SEC23A: variants seen among roughly 807,000 people sequenced by gnomAD.
The protein encoded by SEC23A is protein transport protein Sec23A.
Under a neutral mutation model 103.7 loss-of-function variants are expected in SEC23A, and 56 were observed. That is an observed-to-expected ratio of 0.54 (90% CI 0.44 to 0.67). SEC23A has a LOEUF of 0.67. SEC23A is among the 30% of genes least tolerant of loss of function. The pLI, the probability that SEC23A is intolerant of heterozygous loss-of-function variation, is 0.00. For missense variants in SEC23A, 784 were observed against 936.4 expected (o/e 0.84, Z 2.12); for synonymous variants, 281 against 293.0 (o/e 0.96, Z 0.42).
intron 13 of SEC23A, among the ~76,000 whole-genome samples, chr14:39,059,772 T>C (rs1886407038): frequency 3.3e-5 from 5 of 152,170 alleles, no homozygotes; most frequent in Admixed American, 3.3e-4. Context: ...TAGCTCCAAT[T>C]ATTAAACTCA....
At chr14:39,091,421 T>C in intron 5 of SEC23A, 56 bp downstream of exon 5, 2 of 1,294,746 alleles carry the variant, frequency 1.5e-6, no homozygotes, top group Non-Finnish European at 2.2e-6. Context: ...AAGGCATTTA[T>C]AAACATATAT....
chr14:39,034,548 A>C (rs979357658), intron 19 of SEC23A, among the ~76,000 whole-genome samples: 1 of 152,188 alleles, frequency 6.6e-6, no homozygotes, highest in Non-Finnish European at 1.5e-5. Context: ...CATGGCTCTT[A>C]CTTTTTTCTT....
chr14:39,047,107 T>C (rs1885865105), intron 15 of SEC23A, among the ~76,000 whole-genome samples: 1 of 152,230 alleles, frequency 6.6e-6, no homozygotes, highest in Non-Finnish European at 1.5e-5. Flanking sequence ...ATTTGGTCTA[T>C]GCTACCTTTT....
chr14:39,096,194 A>T, intron 1 of SEC23A, 55 bp from the exon 2 acceptor site: 2 of 1,168,484 alleles, frequency 1.7e-6, no homozygotes, highest in Non-Finnish European at 2.5e-6. Flanking sequence ...AGAACGTTCA[A>T]AATATGAATG....
chr14:39,067,151 C>T (rs45446002), intron 10 of SEC23A, 22 bp downstream of exon 10: 1 of 1,613,380 alleles, frequency 6.2e-7, no homozygotes, highest in Non-Finnish European at 8.5e-7. Context: ...ACATATCGCA[C>T]ATGTCAAGTT....
intron 1 of SEC23A, among the ~76,000 whole-genome samples, chr14:39,099,394 G>A (rs774207683): frequency 4.6e-5 from 7 of 151,902 alleles, no homozygotes; most frequent in African/African-American, 1.5e-4. Context: ...GTCTGACCTC[G>A]TGATCCGCCG....
chr14:39,069,699 G>A (rs1886780951), intron 9 of SEC23A, among the ~76,000 whole-genome samples: 1 of 151,826 alleles, frequency 6.6e-6, no homozygotes, highest in Admixed American at 6.6e-5. Context: ...AGCTCAAGCA[G>A]TCCACCCACC....
At chr14:39,065,782 C>T (rs1257400746) in intron 10 of SEC23A, among the ~76,000 whole-genome samples, 3 of 151,902 alleles carry the variant, frequency 2.0e-5, no homozygotes, top group South Asian at 2.1e-4. Flanking sequence ...GTGGATCACC[C>T]AAGGTCGGGA....
chr14:39,093,854 C>G (rs1445224243), intron 2 of SEC23A, among the ~76,000 whole-genome samples: 5 of 152,074 alleles, frequency 3.3e-5, no homozygotes, highest in African/African-American at 1.2e-4. Flanking sequence ...CATCTACACT[C>G]AGACCTAGAA....
At chr14:39,084,218 G>A (rs921571900) in intron 7 of SEC23A, among the ~76,000 whole-genome samples, 10 of 151,552 alleles carry the variant, frequency 6.6e-5, no homozygotes, top group African/African-American at 1.7e-4. Flanking sequence ...AGTAGAGACA[G>A]GGTTTCACCA....
intron 12 of SEC23A, 106 bp downstream of exon 12, chr14:39,063,218 G>C (rs566834508): frequency 1.1e-5 from 8 of 699,986 alleles, no homozygotes; most frequent in Non-Finnish European, 2.0e-5. Context: ...TAAATGTTGG[G>C]TTATATCTAC....
intron 9 of SEC23A, among the ~76,000 whole-genome samples, chr14:39,070,906 A>C (rs764903128): frequency 6.6e-6 from 1 of 152,200 alleles, no homozygotes; most frequent in Non-Finnish European, 1.5e-5. Flanking sequence ...GCATGCCTGT[A>C]GTCCCAGCTA....
intron 14 of SEC23A, among the ~76,000 whole-genome samples, chr14:39,051,991 A>T (rs1456294691): frequency 6.6e-6 from 1 of 151,818 alleles, no homozygotes. Flanking sequence ...ATGGAACCAG[A>T]TCATGTCCTT....
At chr14:39,067,048 C>T (rs1427848651) in intron 10 of SEC23A, 125 bp downstream of exon 10, 7 of 1,188,104 alleles carry the variant, frequency 5.9e-6, no homozygotes, top group Non-Finnish European at 8.6e-6. Flanking sequence ...ACTCAGGTTT[C>T]AATATAAAAT....
At chr14:39,102,761 T>G (rs1186866977) in intron 1 of SEC23A, among the ~76,000 whole-genome samples, 9 of 139,194 alleles carry the variant, frequency 6.5e-5, no homozygotes, top group African/African-American at 1.4e-4. Context: ...GAGGTGGGGG[T>G]GGGTGCTGGG....
chr14:39,053,887 C>T (rs543674746), intron 14 of SEC23A, among the ~76,000 whole-genome samples: 42 of 151,834 alleles, frequency 2.8e-4, no homozygotes, highest in African/African-American at 8.9e-4. Context: ...AATCCCAACA[C>T]TCTGGGAGAC....
chr14:39,094,197 C>CAT lies in SEC23A; in HGVS notation c.222-955_222-954dup, dbSNP rs370615822. Among the ~76,000 whole-genome samples the CAT allele has an allele frequency of 2.6e-3, 371 of 142,436 alleles. 5 individuals carry two copies. The highest frequency in any genetic ancestry group is 8.7e-3 in the African/African-American group (340 of 38,890). The allele number at this position is 142,436 out of a possible 152,430, so 93.4% of individuals were successfully genotyped here. On this transcript the variant is annotated intron_variant, in intron 2 of 19. Transcript: ENST00000307712. ...CCACCACACCCAGCATATACATATACATATATATATATGCATATATACACA... is the reference window on the plus strand; with the variant it reads ...CCACCACACCCAGCATATACATATACATATATATATATATGCATATATACACA...
At chr14:39,099,859 C>T (rs1888023189) in intron 1 of SEC23A, among the ~76,000 whole-genome samples, 1 of 151,856 alleles carries the variant, frequency 6.6e-6, no homozygotes, top group African/African-American at 2.4e-5. Context: ...CACCTGTCTT[C>T]TATTTAGCCT....
chr14:39,044,102 G>A (rs1269637054), intron 16 of SEC23A, among the ~76,000 whole-genome samples: 1 of 152,082 alleles, frequency 6.6e-6, no homozygotes, highest in Non-Finnish European at 1.5e-5. Context: ...TGGACAGAAA[G>A]TAATTATATA....
Sources: gnomAD v4.1 joint callset for allele counts (sites outside exome capture counted in the v4.1 genomes callset) on GRCh38, gnomAD v4.1.1 for gene constraint, MANE v1.5 for transcripts, NCBI Gene and HGNC (gene_info 2026-07-23, HGNC 2026-07-21) for gene names.